Variants in DNAI4 observed in about 807,000 individuals in gnomAD.
DNAI4 encodes WD repeat domain 78.
A neutral mutation model predicts 105.8 loss-of-function variants in DNAI4; 85 were observed. The observed-to-expected ratio is 0.80, with a 90% CI of 0.67 to 0.96. The LOEUF (loss-of-function observed/expected upper bound fraction) is 0.96. Among genes scored for constraint, DNAI4 ranks in the 40% least tolerant of loss-of-function variants. DNAI4 has a pLI of 0.00. For synonymous variants in DNAI4, 352 were observed against 331.5 expected, an observed-to-expected ratio of 1.06 and a Z score of -0.67; for missense variants, 1,014 against 1,005.6, an observed-to-expected ratio of 1.01 and a Z score of -0.11.
intron 13 of DNAI4, among the ~76,000 whole-genome samples, chr1:66,829,056 G>C (rs1194327182): frequency 2.6e-5 from 4 of 152,150 alleles, no homozygotes; most frequent in African/African-American, 9.7e-5. Context: ...GGAATGGGCA[G>C]ATATTTCAGT....
chr1:66,893,405 G>A lies in DNAI4; in HGVS notation c.354C>T (p.Asp118=), dbSNP rs201621125. ...NPNIKTTQVF[D]INGTDVTPRP... Reference sequence around the variant, plus strand: ...GGGGAGTAACATCAGTTCCATTTATGTCAAATACCTGTTAAAAATGGTTAT... The same window carrying A: ...GGGGAGTAACATCAGTTCCATTTATATCAAATACCTGTTAAAAATGGTTAT... Residue 118 remains aspartate (D), a synonymous_variant, in exon 3 of 17, where the codon GAC becomes GAT. Transcript: ENST00000371026. 45 of 1,528,106 alleles carry A rather than the reference G, an allele frequency of 2.9e-5. No individual in the cohort carries two copies. In the African/African-American group the frequency reaches 5.9e-4, roughly 20 times the overall value. The allele number at this position is 1,528,106 out of a possible 1,614,324, so 94.7% of individuals were successfully genotyped here.
chr1:66,859,951 A>G (rs1458132886), intron 7 of DNAI4, among the ~76,000 whole-genome samples: 1 of 152,142 alleles, frequency 6.6e-6, no homozygotes, highest in African/African-American at 2.4e-5. Context: ...AAAGAATGGA[A>G]CTTAATGTAA....
intron 7 of DNAI4, among the ~76,000 whole-genome samples, chr1:66,851,028 A>G (rs535018323): frequency 4.1e-4 from 62 of 151,982 alleles, no homozygotes; most frequent in Non-Finnish European, 7.2e-4. Context: ...GTCTACATAT[A>G]CCAATTTAGA....
At chr1:66,904,666 AG>A (rs1170038309) in intron 2 of DNAI4, among the ~76,000 whole-genome samples, 3 of 152,118 alleles carry the variant, frequency 2.0e-5, no homozygotes, top group African/African-American at 7.2e-5. Flanking sequence ...AAAGAGAAAA[AG>A]TTTTAATTTT....
chr1:66,835,193 CAGAT>C (rs57056257), intron 11 of DNAI4, among the ~76,000 whole-genome samples: 17,215 of 135,906 alleles, frequency 0.13, 1,036 homozygotes, highest in South Asian at 0.19. Flanking sequence ...CCTCCTTAGA[CAGAT>C]AGATAGATAG....
intron 1 of DNAI4, among the ~76,000 whole-genome samples, chr1:66,912,748 T>C (rs930453851): frequency 9.2e-5 from 14 of 152,318 alleles, no homozygotes; most frequent in African/African-American, 3.1e-4. Context: ...GAGACCTGTC[T>C]CAAATTTTTG....
chr1:66,905,159 C>A, intron 2 of DNAI4, 42 bp downstream of exon 2: 1 of 1,389,030 alleles, frequency 7.2e-7, no homozygotes, highest in Non-Finnish European at 9.7e-7. Context: ...GAGTTTTTCA[C>A]AGTGCCATTT....
intron 4 of DNAI4, among the ~76,000 whole-genome samples, chr1:66,889,361 A>T (rs912181754): frequency 6.6e-6 from 1 of 152,160 alleles, no homozygotes; most frequent in African/African-American, 2.4e-5. Flanking sequence ...ATGTGGATAA[A>T]ATGCCCAGAG....
At chr1:66,922,321 C>A (rs1650547595) in intron 1 of DNAI4, among the ~76,000 whole-genome samples, 1 of 58,324 alleles carries the variant, frequency 1.7e-5, no homozygotes, top group South Asian at 9.2e-4. Context: ...GTAAAGGACT[C>A]TTTGACACAG....
At chr1:66,893,161 A>T in intron 3 of DNAI4, 68 bp downstream of exon 3, 1 of 847,852 alleles carries the variant, frequency 1.2e-6, no homozygotes, top group African/African-American at 1.7e-5. Flanking sequence ...TAAGATACAC[A>T]TTTGCAATTT....
At chr1:66,875,706 T>C (rs1646945629) in intron 4 of DNAI4, among the ~76,000 whole-genome samples, 1 of 152,072 alleles carries the variant, frequency 6.6e-6, no homozygotes, top group Non-Finnish European at 1.5e-5. Flanking sequence ...TTGGGATAGG[T>C]AAAGCTTGGA....
chr1:66,826,819 C>T lies in DNAI4; in HGVS notation c.2339+1G>A, dbSNP rs202009065. On this transcript the variant is annotated splice_donor_variant, in intron 15 of 16. Coordinates refer to ENST00000371026, the MANE Select transcript of DNAI4 (RefSeq NM_024763.5). LOFTEE classifies it high-confidence loss of function. Reference sequence around the variant, plus strand: ...TTTATGCAAGAAAAATAGTAACTTACGTGCTGATATGAAGGTCCCAAATCT... The same window carrying T: ...TTTATGCAAGAAAAATAGTAACTTATGTGCTGATATGAAGGTCCCAAATCT... 75 of 1,612,860 alleles carry T rather than the reference C, an allele frequency of 4.7e-5. No individual in the cohort carries two copies. The highest frequency in any genetic ancestry group is 8.0e-5 in the African/African-American group (6 of 74,778).
rs1004573299 is a variant in DNAI4 at position 66,872,385 on chromosome 1, C to A, written c.801-876G>T. Reference sequence around the variant, plus strand: ...CTGGTACTACTGGCATAAGCCACCACGCCCAGCTAATTTTTGTATTTTTAG... The same window carrying A: ...CTGGTACTACTGGCATAAGCCACCAAGCCCAGCTAATTTTTGTATTTTTAG... On this transcript the variant is annotated intron_variant, in intron 5 of 16. Coordinates refer to ENST00000371026, the MANE Select transcript of DNAI4 (RefSeq NM_024763.5). 7.2e-5 allele frequency among the ~76,000 whole-genome samples: 11 copies of A among 152,062 alleles called. 2 individuals are homozygous for A. The highest frequency in any genetic ancestry group is 1.3e-4 in the Admixed American group (2 of 15,278).
chr1:66,893,109 G>GAAAGAAAGAAAGAAAGAAA (rs1647980126), intron 3 of DNAI4, 120 bp downstream of exon 3: 1 of 487,218 alleles, frequency 2.1e-6, no homozygotes, highest in African/African-American at 2.0e-5. Context: ...AAGAAAGAAA[G>GAAAGAAAGAAAGAAAGAAA]AAAGAAAGAA....
intron 7 of DNAI4, among the ~76,000 whole-genome samples, chr1:66,861,825 A>C (rs1279610066): frequency 6.6e-6 from 1 of 152,220 alleles, no homozygotes; most frequent in East Asian, 1.9e-4. Context: ...GCTAGTATAC[A>C]TCCTTTTTCT....
intron 16 of DNAI4, among the ~76,000 whole-genome samples, chr1:66,821,717 G>C (rs551701809): frequency 6.6e-6 from 1 of 151,328 alleles, no homozygotes; most frequent in African/African-American, 2.4e-5. Context: ...TTTTCATATT[G>C]ATTTGTGCAT....
chr1:66,862,145 A>C lies in DNAI4; in HGVS notation c.1096+2T>G, dbSNP rs772783708. On this transcript the variant is annotated splice_donor_variant, in intron 7 of 16. Transcript: ENST00000371026. LOFTEE classifies it high-confidence loss of function. Reference sequence around the variant, plus strand: ...AAAAAACTAAAATAAATGAAATCTTACTTTTTTCTGTAGTGCTCCCTGGCA... The same window carrying C: ...AAAAAACTAAAATAAATGAAATCTTCCTTTTTTCTGTAGTGCTCCCTGGCA... 1 of 1,557,148 alleles carries C rather than the reference A, an allele frequency of 6.4e-7. No individual in the cohort carries two copies. The highest frequency in any genetic ancestry group is 8.6e-7 in the Non-Finnish European group (1 of 1,159,922).
intron 6 of DNAI4, among the ~76,000 whole-genome samples, chr1:66,867,294 TA>T (rs1646753801): frequency 6.6e-6 from 1 of 152,238 alleles, no homozygotes; most frequent in Non-Finnish European, 1.5e-5. Context: ...TTATTGGTAA[TA>T]TGCTGGCACT....
At chr1:66,821,324 C>T (rs561194169) in intron 16 of DNAI4, among the ~76,000 whole-genome samples, 12 of 152,144 alleles carry the variant, frequency 7.9e-5, no homozygotes, top group Non-Finnish European at 1.6e-4. Flanking sequence ...CTCTTGAACT[C>T]CTGACCTCAA....
Sources: gnomAD v4.1 joint callset for allele counts (sites outside exome capture counted in the v4.1 genomes callset) on GRCh38, gnomAD v4.1.1 for gene constraint, MANE v1.5 for transcripts, NCBI Gene and HGNC (gene_info 2026-07-23, HGNC 2026-07-21) for gene names.